Variants in ARHGAP32 observed in about 807,000 individuals in gnomAD.
The protein encoded by ARHGAP32 is Rho GTPase activating protein 32, also known as rho GTPase-activating protein 32.
A neutral mutation model predicts 186.5 loss-of-function variants in ARHGAP32; 51 were observed. The observed-to-expected ratio is 0.27, with a 90% confidence interval of 0.22 to 0.35. ARHGAP32 has a LOEUF of 0.35. Among genes scored for constraint, ARHGAP32 ranks in the 10% least tolerant of loss-of-function variants. The probability of loss-of-function intolerance (pLI) is 1.00; values close to 1 mark genes in which losing one functional copy is unlikely to be tolerated. For missense variants in ARHGAP32, 2,186 were observed against 2,623.5 expected (o/e 0.83, Z 3.64); for synonymous variants, 950 against 964.3 (o/e 0.99, Z 0.27).
In ARHGAP32 at chr11:129,164,410, A is replaced by T; in HGVS notation, c.134T>A (p.Val45Glu). ...EEKFRKMKSSVHSEEDDFVPE... is the reference protein window; with the variant it reads ...EEKFRKMKSSEHSEEDDFVPE... Reference sequence around the variant, plus strand: ...AACAAAATCATCTTCTTCAGAATGTACTGAGGACTTCATCTTCCTAGAGAT... The same window carrying T: ...AACAAAATCATCTTCTTCAGAATGTTCTGAGGACTTCATCTTCCTAGAGAT... Residue 45 changes from valine to glutamate, a missense_variant, in exon 2 of 23, where the codon GTA (valine) becomes GAA (glutamate). Transcript: ENST00000682385. 1 of 1,557,188 alleles carries T rather than the reference A, an allele frequency of 6.4e-7. No individual in the cohort carries two copies. Among genetic ancestry groups the T allele is most frequent in the Non-Finnish European group, 8.7e-7 (1 of 1,148,028 alleles).
intron 22 of ARHGAP32, chr11:128,971,863 C>T (rs921494263): frequency 6.6e-6 from 1 of 152,256 alleles, no homozygotes; most frequent in Non-Finnish European, 1.5e-5. Flanking sequence ...GAAACCTTAG[C>T]ATTCTGCATA....
At chr11:129,275,868 G>A (rs1945523766) in intron 1 of ARHGAP32, among the ~76,000 whole-genome samples, 1 of 152,244 alleles carries the variant, frequency 6.6e-6, no homozygotes, top group Non-Finnish European at 1.5e-5. Context: ...GCAGGCTACA[G>A]TTTGCCCATC....
intron 1 of ARHGAP32, among the ~76,000 whole-genome samples, chr11:129,213,636 A>G (rs998305118): frequency 2.7e-5 from 4 of 150,672 alleles, no homozygotes; most frequent in Non-Finnish European, 6.0e-5. Context: ...AATGTAATAT[A>G]AATAGACAAA....
chr11:129,080,881 G>A (rs149535300), intron 6 of ARHGAP32, among the ~76,000 whole-genome samples: 7 of 151,976 alleles, frequency 4.6e-5, no homozygotes, highest in East Asian at 1.9e-4. Flanking sequence ...GAAAAGAAAC[G>A]AGAAGATCCA....
intron 1 of ARHGAP32, among the ~76,000 whole-genome samples, chr11:129,202,242 T>C (rs544383915): frequency 1.3e-5 from 2 of 152,330 alleles, no homozygotes; most frequent in African/African-American, 4.8e-5. Flanking sequence ...TAAAGATGTA[T>C]TCACTGTTTA....
intron 11 of ARHGAP32, among the ~76,000 whole-genome samples, chr11:129,038,307 C>T (rs1162078945): frequency 6.6e-6 from 1 of 151,974 alleles, no homozygotes; most frequent in East Asian, 1.9e-4. Flanking sequence ...TCACCATACA[C>T]ACAAATTAAC....
Position 128,972,765 on chromosome 11 carries a change from T to C in ARHGAP32, c.3741A>G (p.Lys1247=). 4 of 1,613,824 alleles carry C rather than the reference T, an allele frequency of 2.5e-6. No individual in the cohort carries two copies. The highest frequency in any genetic ancestry group is 3.4e-6 in the Non-Finnish European group (4 of 1,179,988). ...KLHHPLEFAD[K]SPTPPNLPSD... ...TAGGTAAATTAGGAGGTGTGGGAGA[T>C]TTGTCTGCAAATTCTAAAGGGTGAT... The change falls in exon 22 of 23, where the codon AAA becomes AAG. Residue 1247 remains lysine, a synonymous_variant. Coordinates refer to ENST00000682385, the MANE Select transcript of ARHGAP32 (RefSeq NM_001378024.1).
chr11:129,069,023 C>T (rs80256233), intron 6 of ARHGAP32, among the ~76,000 whole-genome samples: 5,552 of 152,038 alleles, frequency 0.037, 134 homozygotes, highest in Non-Finnish European at 0.052. Context: ...AAAGAGAAGG[C>T]CTTACAGCCA....
chr11:129,014,272 TA>T (rs1450732506), intron 11 of ARHGAP32, among the ~76,000 whole-genome samples: 1 of 152,178 alleles, frequency 6.6e-6, no homozygotes, highest in Non-Finnish European at 1.5e-5. Context: ...GGTAAATCTT[TA>T]TGATACCAAT....
intron 1 of ARHGAP32, among the ~76,000 whole-genome samples, chr11:129,191,689 C>G (rs952957151): frequency 1.3e-5 from 2 of 151,934 alleles, no homozygotes; most frequent in Non-Finnish European, 2.9e-5. Context: ...CACACACACA[C>G]ACACACACAC....
At chr11:129,204,208 T>C (rs1944489746) in intron 1 of ARHGAP32, among the ~76,000 whole-genome samples, 1 of 151,934 alleles carries the variant, frequency 6.6e-6, no homozygotes, top group East Asian at 1.9e-4. Flanking sequence ...TGTATACATA[T>C]AAAAACTATA....
At chr11:129,053,256 CA>C (rs1195730611) in intron 10 of ARHGAP32, among the ~76,000 whole-genome samples, 4 of 151,912 alleles carry the variant, frequency 2.6e-5, no homozygotes, top group Non-Finnish European at 4.4e-5. Flanking sequence ...GAAAAAGTAG[CA>C]ACAAATAAAA....
At chr11:129,074,668 T>C (rs1048296494) in intron 6 of ARHGAP32, among the ~76,000 whole-genome samples, 5 of 151,778 alleles carry the variant, frequency 3.3e-5, no homozygotes, top group African/African-American at 9.7e-5. Context: ...TAATTTTTTG[T>C]ATTTTTAGTA....
chr11:129,037,365 A>C (rs1164076750), intron 11 of ARHGAP32, among the ~76,000 whole-genome samples: 1 of 150,650 alleles, frequency 6.6e-6, no homozygotes, highest in African/African-American at 2.5e-5. Context: ...ACAGTGGCAC[A>C]TGCCTGTAGT....
intron 1 of ARHGAP32, among the ~76,000 whole-genome samples, chr11:129,197,395 C>T (rs796616138): frequency 3.3e-5 from 5 of 152,300 alleles, no homozygotes; most frequent in African/African-American, 1.2e-4. Context: ...GCTCTGACAT[C>T]GTTGTTCCTG....
In ARHGAP32 at chr11:128,982,442, C is replaced by T. The variant is rs562077448; in HGVS notation, c.1527-506G>A. 3.3e-5 allele frequency among the ~76,000 whole-genome samples: 5 copies of T among 151,616 alleles called. No homozygotes were observed. In the South Asian group the frequency reaches 6.2e-4, roughly 19 times the overall value. ...AGTACTTTTGAAAACAAGACATGATCACCTTAAATGTAAGTTAAACCAGGT... is the reference window on the plus strand; with the variant it reads ...AGTACTTTTGAAAACAAGACATGATTACCTTAAATGTAAGTTAAACCAGGT... On this transcript the variant is annotated intron_variant, in intron 15 of 22. Transcript: ENST00000682385.
chr11:129,060,157 A>G (rs762309523), intron 10 of ARHGAP32, among the ~76,000 whole-genome samples: 1 of 152,222 alleles, frequency 6.6e-6, no homozygotes, highest in African/African-American at 2.4e-5. Context: ...ACTTTGGGGT[A>G]TAAAGCTATA....
At chr11:129,133,104 A>T (rs922695261) in intron 2 of ARHGAP32, among the ~76,000 whole-genome samples, 5 of 152,216 alleles carry the variant, frequency 3.3e-5, no homozygotes, top group African/African-American at 1.2e-4. Context: ...GGCACGTCTT[A>T]CATGTTTAGA....
At chr11:129,010,079 T>C (rs2134817849) in intron 11 of ARHGAP32, among the ~76,000 whole-genome samples, 1 of 152,238 alleles carries the variant, frequency 6.6e-6, no homozygotes, top group South Asian at 2.1e-4. Flanking sequence ...GTGTTGTTTG[T>C]TGGCAGGATG....
Sources: allele counts gnomAD v4.1 joint callset (sites outside exome capture counted in the v4.1 genomes callset), GRCh38; gene constraint gnomAD v4.1.1; transcripts MANE v1.5; gene names NCBI Gene and HGNC (gene_info 2026-07-23, HGNC 2026-07-21).